Variants in USP10 observed in about 807,000 individuals in gnomAD.
The protein encoded by USP10 is ubiquitin carboxyl-terminal hydrolase 10.
A neutral mutation model predicts 84.5 loss-of-function variants in USP10; 22 were observed. The ratio of observed to expected loss-of-function variants is 0.26; its 90% CI spans 0.19 to 0.37. The LOEUF (loss-of-function observed/expected upper bound fraction) is 0.37. USP10 is among the 10% of genes least tolerant of loss of function. The pLI is 1.00. For missense variants in USP10, 1,019 were observed against 998.9 expected, an observed-to-expected ratio of 1.02 and a Z score of -0.27; for synonymous variants, 454 against 387.6, an observed-to-expected ratio of 1.17 and a Z score of -2.01.
intron 1 of USP10, chr16:84,704,953 A>G (rs1905284006): frequency 2.1e-5 from 32 of 1,520,628 alleles, no homozygotes; most frequent in Non-Finnish European, 2.7e-5. Context: ...TGTTAGGAGA[A>G]TGTGCATGTG....
At chr16:84,745,789 C>T (rs1313145285) in intron 4 of USP10, 116 bp downstream of exon 4, 23 of 1,058,582 alleles carry the variant, frequency 2.2e-5, no homozygotes, top group Non-Finnish European at 2.7e-5. Context: ...TTAATAGCAA[C>T]GTCTGAAGGA....
At chr16:84,748,657 C>G (rs1157830261) in intron 4 of USP10, among the ~76,000 whole-genome samples, 1 of 152,162 alleles carries the variant, frequency 6.6e-6, no homozygotes, top group Non-Finnish European at 1.5e-5. Context: ...AACCTCCCAT[C>G]TTAGGGAGAT....
At chr16:84,707,253 T>G (rs1273364968) in intron 1 of USP10, among the ~76,000 whole-genome samples, 1 of 152,230 alleles carries the variant, frequency 6.6e-6, no homozygotes, top group African/African-American at 2.4e-5. Context: ...CATAAACATT[T>G]ACAGAATGAA....
intron 4 of USP10, among the ~76,000 whole-genome samples, chr16:84,747,554 ATTTTTTTT>A (rs71151244): frequency 1.2e-4 from 9 of 72,990 alleles, no homozygotes; most frequent in African/African-American, 2.5e-4. Flanking sequence ...AAGCCAGGTG[ATTTTTTTT>A]TTTTTTTTTT....
chr16:84,758,568 A>G, intron 4 of USP10, 148 bp from the exon 5 acceptor site: 1 of 615,976 alleles, frequency 1.6e-6, no homozygotes, highest in Non-Finnish European at 2.9e-6. Flanking sequence ...GTTGAACTGA[A>G]TGAAGCCTTA....
intron 1 of USP10, among the ~76,000 whole-genome samples, chr16:84,725,591 G>C (rs564647471): frequency 4.8e-4 from 73 of 152,136 alleles, no homozygotes; most frequent in African/African-American, 1.7e-3. Flanking sequence ...TTTTAGTAGA[G>C]ACAGGGTTTC....
chr16:84,724,978 G>T (rs1369720449), intron 1 of USP10, among the ~76,000 whole-genome samples: 1 of 152,278 alleles, frequency 6.6e-6, no homozygotes, highest in Admixed American at 6.5e-5. Context: ...GCCTAGTAAA[G>T]AAATTAAAAT....
At chr16:84,747,554 A>ATTTTT (rs71151244) in intron 4 of USP10, among the ~76,000 whole-genome samples, 13 of 72,990 alleles carry the variant, frequency 1.8e-4, no homozygotes, top group East Asian at 4.5e-4. Flanking sequence ...AAGCCAGGTG[A>ATTTTT]TTTTTTTTTT....
At chr16:84,732,810 C>T (rs1330118815) in intron 1 of USP10, among the ~76,000 whole-genome samples, 3 of 152,326 alleles carry the variant, frequency 2.0e-5, no homozygotes, top group Non-Finnish European at 4.4e-5. Context: ...GCCAGACTCA[C>T]ATCCGTGCAG....
chr16:84,726,010 C>G (rs1477666366), intron 1 of USP10, among the ~76,000 whole-genome samples: 1 of 152,194 alleles, frequency 6.6e-6, no homozygotes, highest in Non-Finnish European at 1.5e-5. Context: ...GGAGATTGTT[C>G]TTAGAGATTG....
chr16:84,767,037 C>G (rs1464060230), intron 10 of USP10, among the ~76,000 whole-genome samples: 1 of 152,112 alleles, frequency 6.6e-6, no homozygotes, highest in Non-Finnish European at 1.5e-5. Flanking sequence ...TGAGCGGTTT[C>G]CCCACTACTG....
intron 8 of USP10, among the ~76,000 whole-genome samples, chr16:84,762,100 C>T (rs1913275378): frequency 6.6e-6 from 1 of 152,230 alleles, no homozygotes; most frequent in African/African-American, 2.4e-5. Context: ...GAATCAAACA[C>T]TCGTGATGTG....
intron 2 of USP10, among the ~76,000 whole-genome samples, chr16:84,737,239 G>A (rs931000476): frequency 3.9e-5 from 6 of 152,208 alleles, no homozygotes; most frequent in Non-Finnish European, 7.3e-5. Context: ...TCACAAGGCC[G>A]CAGCACTGTT....
At chr16:84,731,594 T>G (rs1909240640) in intron 1 of USP10, among the ~76,000 whole-genome samples, 1 of 152,164 alleles carries the variant, frequency 6.6e-6, no homozygotes, top group South Asian at 2.1e-4. Flanking sequence ...TAGAATTCTA[T>G]GAAAAAATAC....
At chr16:84,755,097 G>A (rs746014494) in intron 4 of USP10, among the ~76,000 whole-genome samples, 7 of 151,628 alleles carry the variant, frequency 4.6e-5, no homozygotes, top group Admixed American at 1.3e-4. Flanking sequence ...GTCATAAAGC[G>A]TGTTTTTGAG....
intron 13 of USP10, among the ~76,000 whole-genome samples, chr16:84,778,538 G>C (rs1353718430): frequency 6.6e-6 from 1 of 152,186 alleles, no homozygotes; most frequent in Non-Finnish European, 1.5e-5. Flanking sequence ...TCTAGAAGTA[G>C]AGTCAGCCAC....
intron 1 of USP10, among the ~76,000 whole-genome samples, chr16:84,705,473 CGCCCACCTCG>C (rs1567584227): frequency 6.6e-6 from 1 of 151,778 alleles, no homozygotes; most frequent in Non-Finnish European, 1.5e-5. Flanking sequence ...CCTCACGATC[CGCCCACCTCG>C]GCCTCCCAAA....
In USP10 at chr16:84,764,939, A is replaced by AAATATATATATATAT. The variant is rs370383030; in HGVS notation, c.1832+677_1832+678insATATATATATATATA. Among the ~76,000 whole-genome samples, 98 of 132,252 alleles carry AAATATATATATATAT rather than the reference A, an allele frequency of 7.4e-4. No individual in the cohort carries two copies. In the East Asian group the frequency reaches 0.021, roughly 28 times the overall value. 86.8% of individuals were successfully genotyped at this position (132,252 alleles called of 152,430 possible). ...TAACCACGAGAGAGAGAGAAAAAAAAATATATATATATATATTAGACTTCA... is the reference window on the plus strand; with the variant it reads ...TAACCACGAGAGAGAGAGAAAAAAAAAATATATATATATATATATATATATATATATTAGACTTCA... On this transcript the variant is annotated intron_variant, in intron 10 of 13. Transcript: ENST00000219473.
chr16:84,719,043 CG>C (rs1907437065), intron 1 of USP10, among the ~76,000 whole-genome samples: 1 of 152,060 alleles, frequency 6.6e-6, no homozygotes, highest in Non-Finnish European at 1.5e-5. Flanking sequence ...CCACCCGTCT[CG>C]GCCTCCCAAA....
Sources: allele counts gnomAD v4.1 joint callset (sites outside exome capture counted in the v4.1 genomes callset), GRCh38; gene constraint gnomAD v4.1.1; transcripts MANE v1.5; gene names NCBI Gene and HGNC (gene_info 2026-07-23, HGNC 2026-07-21).